The following RBM17 variants were observed in gnomAD, a reference collection of about 807,000 sequenced individuals.
The protein encoded by RBM17 is RNA binding motif protein 17, also known as splicing factor 45.
Under a neutral mutation model 53.2 loss-of-function variants are expected in RBM17, and 7 were observed. The observed-to-expected ratio is 0.13, with a 90% CI of 0.07 to 0.25. The LOEUF is 0.25. RBM17 is among the 10% of genes least tolerant of loss of function. The pLI is 1.00. For missense variants in RBM17, 257 were observed against 496.7 expected (o/e 0.52, Z 4.59); for synonymous variants, 167 against 178.1 (o/e 0.94, Z 0.50).
At chr10:6,108,659 T>G in intron 5 of RBM17, 27 bp from the exon 6 acceptor site, 1 of 1,603,614 alleles carries the variant, frequency 6.2e-7, no homozygotes, top group Non-Finnish European at 8.5e-7. Context: ...GAAACCTCCT[T>G]TAATGCTTGG....
intron 10 of RBM17, chr10:6,114,437 T>A: frequency 3.2e-6 from 1 of 312,074 alleles, no homozygotes; most frequent in Non-Finnish European, 6.2e-6. Flanking sequence ...TAGACATGCC[T>A]TTGGTTTCAG....
At chr10:6,113,643 A>G in intron 9 of RBM17, 62 bp downstream of exon 9, 1 of 1,070,122 alleles carries the variant, frequency 9.3e-7, no homozygotes, top group Non-Finnish European at 1.4e-6. Flanking sequence ...ACCCCAGCCT[A>G]CCCTGCTCCC....
intron 2 of RBM17, 27 bp downstream of exon 2, chr10:6,097,215 C>G (rs1453518205): frequency 6.2e-7 from 1 of 1,605,918 alleles, no homozygotes; most frequent in South Asian, 1.1e-5. Context: ...AGCATGAGAG[C>G]AGAGGCCTCC....
intron 5 of RBM17, chr10:6,106,469 A>G (rs770147504): frequency 4.8e-6 from 2 of 417,662 alleles, no homozygotes; most frequent in Non-Finnish European, 8.9e-6. Flanking sequence ...TTTATTGGAT[A>G]CTTTGGGACT....
chr10:6,112,205 G>C lies in RBM17; in HGVS notation c.705-5G>C, dbSNP rs367924896. ...TAAGAGTCCTTTCCCTTCTTCTCCT[G>C]CCAGGGGCACGGTGGCGCACAAGAT... On this transcript the variant is annotated splice_region_variant and splice_polypyrimidine_tract_variant and intron_variant, in intron 7 of 11. Transcript: ENST00000379888. The surrounding 1 kb of genome is among the most constrained non-coding windows in gnomAD (Gnocchi z 4.4). The C allele has an allele frequency of 2.5e-6, 4 of 1,610,696 alleles. No individual in the cohort carries two copies. The highest frequency in any genetic ancestry group is 3.4e-6 in the Non-Finnish European group (4 of 1,179,750).
chr10:6,106,134 A>G lies in RBM17; in HGVS notation c.408-7A>G, dbSNP rs368513527. ...GTGATGAACATTTATTTCCTTTGTT[A>G]TCACAGAAGGCGTAAAGACAGACAT... On this transcript the variant is annotated splice_polypyrimidine_tract_variant and splice_region_variant and intron_variant, in intron 4 of 11. Transcript: ENST00000379888. 46 of 1,602,672 alleles carry G rather than the reference A, an allele frequency of 2.9e-5. No homozygotes were observed. The highest frequency in any genetic ancestry group is 3.8e-5 in the Non-Finnish European group (45 of 1,169,838).
At chr10:6,108,508 A>G (rs1376311613) in intron 5 of RBM17, 178 bp from the exon 6 acceptor site, 2 of 495,068 alleles carry the variant, frequency 4.0e-6, no homozygotes, top group Non-Finnish European at 7.3e-6. Flanking sequence ...ACTTTTCTAC[A>G]TTTTAAATCC....
At chr10:6,093,810 C>T (rs745895551) in intron 1 of RBM17, among the ~76,000 whole-genome samples, 1 of 152,054 alleles carries the variant, frequency 6.6e-6, no homozygotes, top group African/African-American at 2.4e-5. Context: ...CTTGAGGATG[C>T]GACCCATGTC....
chr10:6,115,423 T>G (rs747027857), intron 11 of RBM17, 30 bp from the exon 12 acceptor site: 2 of 1,540,310 alleles, frequency 1.3e-6, no homozygotes, highest in African/African-American at 2.7e-5. Context: ...ATAGGATACC[T>G]GTATTAACTG....
Position 6,112,001 on chromosome 10 carries a change from A to C in RBM17, c.705-209A>C, listed in dbSNP as rs1458505094. ...CCTCCAAGACAACAGGATGTTCTGG[A>C]TTTTATTCATAGCTTTTTCTATTTC... is the stretch of plus-strand genomic sequence containing the variant. On this transcript the variant is annotated intron_variant, in intron 7 of 11. Coordinates refer to ENST00000379888, the MANE Select transcript of RBM17 (RefSeq NM_032905.5). The surrounding 1 kb of genome is among the most constrained non-coding windows in gnomAD (Gnocchi z 4.4). Among the ~76,000 whole-genome samples the C allele has an allele frequency of 1.3e-5, 2 of 152,060 alleles. No individual in the cohort carries two copies. The highest frequency in any genetic ancestry group is 2.4e-5 in the African/African-American group (1 of 41,410).
In RBM17 at chr10:6,109,913, T is replaced by G; in HGVS notation, c.563-73T>G. On this transcript the variant is annotated intron_variant, in intron 6 of 11. Coordinates refer to ENST00000379888, the MANE Select transcript of RBM17 (RefSeq NM_032905.5). ...GTAGGTTAAATTTGTTCAAGATAAA[T>G]AATTGATACAAGTGAGGTTTCAGAG... 2.4e-6 allele frequency: 3 copies of G among 1,232,328 alleles called. No homozygotes were observed. The South Asian group carries it at 6.1e-5, about 25-fold the overall frequency. 76.3% of individuals were successfully genotyped at this position (1,232,328 alleles called of 1,614,324 possible).
intron 2 of RBM17, among the ~76,000 whole-genome samples, chr10:6,100,697 A>G (rs1323309453): frequency 6.6e-6 from 1 of 152,052 alleles, no homozygotes; most frequent in Non-Finnish European, 1.5e-5. Context: ...TTTAAAGGAC[A>G]TTTTTGGGAT....
chr10:6,091,776 A>G (rs1412910166), intron 1 of RBM17, among the ~76,000 whole-genome samples: 1 of 151,810 alleles, frequency 6.6e-6, no homozygotes, highest in Non-Finnish European at 1.5e-5. Flanking sequence ...CTGCAGGAAG[A>G]AACCGCTGTG....
At chr10:6,103,808 C>T (rs1055980642) in intron 3 of RBM17, among the ~76,000 whole-genome samples, 4 of 152,152 alleles carry the variant, frequency 2.6e-5, no homozygotes, top group Non-Finnish European at 5.9e-5. Context: ...GTTAATATGG[C>T]GTGTAAGCTG....
intron 2 of RBM17, among the ~76,000 whole-genome samples, chr10:6,099,142 T>G (rs1459443932): frequency 6.6e-6 from 1 of 151,484 alleles, no homozygotes; most frequent in African/African-American, 2.4e-5. Flanking sequence ...ATGTAACTTT[T>G]GCTTTGCAGG....
At chr10:6,107,569 T>C (rs1588349207) in intron 5 of RBM17, among the ~76,000 whole-genome samples, 1 of 126,904 alleles carries the variant, frequency 7.9e-6, no homozygotes, top group African/African-American at 3.1e-5. Flanking sequence ...GCAACCTCCA[T>C]CTCCTAGTTT....
intron 4 of RBM17, among the ~76,000 whole-genome samples, chr10:6,105,732 A>C (rs998591094): frequency 1.3e-5 from 2 of 152,210 alleles, no homozygotes; most frequent in African/African-American, 4.8e-5. Flanking sequence ...CTTTTTAAAA[A>C]TATTTAGTAT....
At chr10:6,094,721 A>G (rs1462842749) in intron 1 of RBM17, among the ~76,000 whole-genome samples, 4 of 152,234 alleles carry the variant, frequency 2.6e-5, no homozygotes, top group African/African-American at 4.8e-5. Context: ...GTATGTATCT[A>G]GATGTGAACA....
chr10:6,102,312 C>G (rs957618725), intron 3 of RBM17, among the ~76,000 whole-genome samples: 1 of 152,214 alleles, frequency 6.6e-6, no homozygotes, highest in Non-Finnish European at 1.5e-5. Flanking sequence ...GGGCACACTC[C>G]TGCCCATCTG....
Sources: allele counts gnomAD v4.1 joint callset (sites outside exome capture counted in the v4.1 genomes callset), GRCh38; gene constraint gnomAD v4.1.1; non-coding constraint Gnocchi (gnomAD v3.1); transcripts MANE v1.5; gene names NCBI Gene and HGNC (gene_info 2026-07-23, HGNC 2026-07-21).